The following LRIG3 variants were observed in gnomAD, a reference collection of about 807,000 sequenced individuals.
LRIG3 encodes the protein leucine rich repeats and immunoglobulin like domains 3.
In LRIG3, 76 loss-of-function variants were observed where a neutral mutation model predicts 114.5. The ratio of observed to expected loss-of-function variants is 0.66; its 90% CI spans 0.55 to 0.80. The LOEUF (loss-of-function observed/expected upper bound fraction) is 0.80. Among genes scored for constraint, LRIG3 ranks in the 30% least tolerant of loss-of-function variants. The pLI is 0.00. For synonymous variants in LRIG3, 512 were observed against 519.8 expected, an observed-to-expected ratio of 0.98 and a Z score of 0.20; for missense variants, 1,239 against 1,382.8, an observed-to-expected ratio of 0.90 and a Z score of 1.65.
intron 3 of LRIG3, among the ~76,000 whole-genome samples, chr12:58,908,469 T>C (rs531484962): frequency 6.6e-6 from 1 of 152,340 alleles, no homozygotes; most frequent in African/African-American, 2.4e-5. Context: ...GAGATATTCA[T>C]GCTTAGAAAG....
In LRIG3 at chr12:58,887,771, G is replaced by A. The variant is rs1871322527; in HGVS notation, c.1091+18C>T. Reference sequence around the variant, plus strand: ...AACCAATTACGTTCGAGTACTGACAGCAAAACGTGTAACTTACAAAGTCTT... The same window carrying A: ...AACCAATTACGTTCGAGTACTGACAACAAAACGTGTAACTTACAAAGTCTT... On this transcript the variant is annotated intron_variant, in intron 8 of 18. Transcript: ENST00000320743. The A allele has an allele frequency of 1.2e-6, 2 of 1,610,762 alleles. No individual in the cohort carries two copies. Among genetic ancestry groups the A allele is most frequent in the African/African-American group, 1.3e-5 (1 of 74,804 alleles).
chr12:58,883,461 C>A (rs1311981199), intron 11 of LRIG3, 59 bp downstream of exon 11: 2 of 1,255,724 alleles, frequency 1.6e-6, no homozygotes, highest in Non-Finnish European at 2.2e-6. Context: ...GGATGCCACA[C>A]CATATGACAG....
In LRIG3 at chr12:58,889,435, C is replaced by T. The variant is rs145118486; in HGVS notation, c.660-473G>A. Among the ~76,000 whole-genome samples the T allele has an allele frequency of 7.9e-5, 12 of 152,194 alleles. No individual in the cohort carries two copies. The East Asian group carries it at 1.9e-3, about 25-fold the overall frequency. ...TTCTCAGCCTTGGTTGCACACTGGA[C>T]GCAACCTGGGAGTTTTAAAAATTTC... On this transcript the variant is annotated intron_variant, in intron 5 of 18. Transcript: ENST00000320743.
chr12:58,874,080 C>G lies in LRIG3; in HGVS notation c.3090G>C (p.Ser1030=). ...CCATGAAAGAATTACTCGAGGCAAC[C>G]GACGCTGGCTCTGGATTTGCACTAA... is the stretch of plus-strand genomic sequence containing the variant. ...LDFSANPEPA[S]VASSNSFMGT... Residue 1030 remains serine, a synonymous_variant, in exon 18 of 19, where the codon TCG becomes TCC. Coordinates refer to ENST00000320743, the MANE Select transcript of LRIG3 (RefSeq NM_153377.5). 2 of 1,614,144 alleles carry G rather than the reference C, an allele frequency of 1.2e-6. No homozygotes were observed.
intron 3 of LRIG3, among the ~76,000 whole-genome samples, chr12:58,905,109 A>G (rs866396880): frequency 4.6e-5 from 7 of 152,186 alleles, no homozygotes; most frequent in Non-Finnish European, 5.9e-5. Context: ...AGACTGCTCA[A>G]TGGGCCAACA....
At chr12:58,899,852 CAT>C (rs765744383) in intron 3 of LRIG3, among the ~76,000 whole-genome samples, 1 of 152,154 alleles carries the variant, frequency 6.6e-6, no homozygotes, top group African/African-American at 2.4e-5. Context: ...AAAATGGCCA[CAT>C]GTCAGTTTCT....
chr12:58,883,124 A>G, intron 11 of LRIG3, 92 bp from the exon 12 acceptor site: 1 of 1,287,318 alleles, frequency 7.8e-7, no homozygotes, highest in South Asian at 1.5e-5. Flanking sequence ...AAAGCAATGA[A>G]TTTGGAAACT....
chr12:58,878,717 A>T lies in LRIG3; in HGVS notation c.2083+107T>A, dbSNP rs1227663572. 9 of 1,302,224 alleles carry T rather than the reference A, an allele frequency of 6.9e-6. No individual in the cohort carries two copies. The East Asian group carries it at 2.1e-4, about 30-fold the overall frequency. 80.7% of individuals were successfully genotyped at this position (1,302,224 alleles called of 1,614,324 possible). A position where few individuals can be genotyped will look rare whatever the true frequency, so the allele number is the denominator to read the frequency against. ...ACTTTCTAGGAAAAGGCAATGCCCC[A>T]TACATCTTCATCTCTTACTCTCACA... On this transcript the variant is annotated intron_variant, in intron 14 of 18. Coordinates refer to ENST00000320743, the MANE Select transcript of LRIG3 (RefSeq NM_153377.5).
chr12:58,880,968 T>C, intron 12 of LRIG3, 67 bp from the exon 13 acceptor site: 1 of 1,458,792 alleles, frequency 6.9e-7, no homozygotes, highest in Non-Finnish European at 9.4e-7. Flanking sequence ...CTACTCAAAT[T>C]TGAACACCAA....
In LRIG3 at chr12:58,883,604, C is replaced by G; in HGVS notation, c.1245-13G>C. 1 of 1,531,838 alleles carries G rather than the reference C, an allele frequency of 6.5e-7. No homozygotes were observed. The highest frequency in any genetic ancestry group is 1.3e-5 in the South Asian group (1 of 78,612). The allele number at this position is 1,531,838 out of a possible 1,614,324, so 94.9% of individuals were successfully genotyped here. On this transcript the variant is annotated splice_polypyrimidine_tract_variant and intron_variant, in intron 10 of 18. Transcript: ENST00000320743. ...GTCACTCAGGTCTCTGAAAAATCAC[C>G]AAATCAAATGCATCAGAGCAAACTA...
intron 3 of LRIG3, among the ~76,000 whole-genome samples, chr12:58,903,908 C>T (rs1871965165): frequency 6.6e-6 from 1 of 151,918 alleles, no homozygotes; most frequent in Admixed American, 6.6e-5. Flanking sequence ...GGGCTCTGTT[C>T]TGTTCCATTG....
rs1188056199 is a variant in LRIG3, at chr12:58,913,982, A to G, written c.383T>C (p.Leu128Ser). ...AGGAATTCTGCTGATATTCACTTACAAGGAGAGAAGTGTAATATTTGCCGA... is the reference window on the plus strand; with the variant it reads ...AGGAATTCTGCTGATATTCACTTACGAGGAGAGAAGTGTAATATTTGCCGA... ...PVSANITLLSLAGNRIVEILP... is the reference protein window; with the variant it reads ...PVSANITLLSSAGNRIVEILP... The change falls in exon 3 of 19, where the codon TTG becomes TCG. Residue 128 changes from leucine to serine, a missense_variant and splice_region_variant. Coordinates refer to ENST00000320743, the MANE Select transcript of LRIG3 (RefSeq NM_153377.5). 6.2e-7 allele frequency: 1 copy of G among 1,610,896 alleles called. No homozygotes were observed. The highest frequency in any genetic ancestry group is 1.7e-5 in the Admixed American group (1 of 59,752).
chr12:58,913,794 C>A, intron 3 of LRIG3, 188 bp downstream of exon 3: 1 of 555,356 alleles, frequency 1.8e-6, no homozygotes, highest in Admixed American at 3.5e-5. Flanking sequence ...TATAAGAATA[C>A]ATGAAATTTA....
intron 14 of LRIG3, 52 bp from the exon 15 acceptor site, chr12:58,877,904 AT>A (rs769520766): frequency 6.6e-7 from 1 of 1,510,036 alleles, no homozygotes; most frequent in African/African-American, 1.4e-5. Context: ...TAGTTTCCAT[AT>A]CATAAAATGT....
rs1336439021 is a variant in LRIG3 at position 58,880,308 on chromosome 12, AAAAAAG to A, written c.1801+267_1801+272del. 269 of 547,238 alleles carry A rather than the reference AAAAAAG, an allele frequency of 4.9e-4. 2 individuals carry two copies. Among genetic ancestry groups the A allele is most frequent in the African/African-American group, 4.7e-3 (244 of 51,646 alleles). 33.9% of individuals were successfully genotyped at this position (547,238 alleles called of 1,614,324 possible). A position where few individuals can be genotyped will look rare whatever the true frequency, so the allele number is the denominator to read the frequency against. ...GTGCAAGATTCCGTCTCAAAAAAAAAAAAAAGAAAAAGAAAAAAAAAAGAGCAAAAA... is the reference window on the plus strand; with the variant it reads ...GTGCAAGATTCCGTCTCAAAAAAAAAAAAAAGAAAAAAAAAAGAGCAAAAA... On this transcript the variant is annotated intron_variant, in intron 13 of 18. Coordinates refer to ENST00000320743, the MANE Select transcript of LRIG3 (RefSeq NM_153377.5).
At position 58,919,426 on chromosome 12, in the gene LRIG3, C is replaced by T. The variant is rs368017345; in HGVS notation, c.236+574G>A. ...AATCTGGTTGAGGAGTGGGAACTTA[C>T]GGTCTGCTAATGTGAAAAAGCAAGC... On this transcript the variant is annotated intron_variant, in intron 1 of 18. Transcript: ENST00000320743. 1,013 of 1,551,592 alleles carry T rather than the reference C, an allele frequency of 6.5e-4. 4 individuals are homozygous for T. In the African/African-American group the frequency reaches 0.013, roughly 20 times the overall value.
chr12:58,873,915 C>A (rs1399039721), intron 18 of LRIG3, 140 bp downstream of exon 18: 1 of 977,244 alleles, frequency 1.0e-6, no homozygotes, highest in East Asian at 2.4e-5. Context: ...GGCATTTACA[C>A]TAACTAGTCG....
At chr12:58,897,196 T>G (rs1461520278) in intron 3 of LRIG3, among the ~76,000 whole-genome samples, 11 of 152,152 alleles carry the variant, frequency 7.2e-5, no homozygotes, top group Admixed American at 6.5e-4. Context: ...CATCAAAGAA[T>G]AAAGCCAACT....
chr12:58,913,736 A>C, intron 3 of LRIG3: 2 of 439,562 alleles, frequency 4.5e-6, no homozygotes, highest in Non-Finnish European at 8.0e-6. Flanking sequence ...GCCTCTTTGA[A>C]TCTCGAAGAC....
Sources: allele counts gnomAD v4.1 joint callset (sites outside exome capture counted in the v4.1 genomes callset), GRCh38; gene constraint gnomAD v4.1.1; transcripts MANE v1.5; gene names NCBI Gene and HGNC (gene_info 2026-07-23, HGNC 2026-07-21).